Variants in KCNH8 observed in about 807,000 individuals in gnomAD.
The protein encoded by KCNH8 is voltage-gated delayed rectifier potassium channel KCNH8.
KCNH8 carries 70 observed loss-of-function variants against 103.6 expected under a neutral mutation model. The observed-to-expected ratio is 0.68, with a 90% CI of 0.56 to 0.82. The LOEUF (loss-of-function observed/expected upper bound fraction) is 0.82. Among genes scored for constraint, KCNH8 ranks in the 40% least tolerant of loss-of-function variants. The pLI is 0.00. For synonymous variants in KCNH8, 498 were observed against 489.4 expected (o/e 1.02, Z -0.23); for missense variants, 1,217 against 1,329.9 (o/e 0.92, Z 1.32).
At chr3:19,214,146 T>G (rs1445840974) in intron 1 of KCNH8, among the ~76,000 whole-genome samples, 1 of 152,232 alleles carries the variant, frequency 6.6e-6, no homozygotes, top group Non-Finnish European at 1.5e-5. Context: ...GCCATACCTA[T>G]GTAATTCTCT....
intron 1 of KCNH8, among the ~76,000 whole-genome samples, chr3:19,155,735 T>C (rs1267301681): frequency 6.6e-6 from 1 of 152,216 alleles, no homozygotes; most frequent in Non-Finnish European, 1.5e-5. Context: ...AAAGATTACA[T>C]TCTATCAAAC....
At chr3:19,460,726 CTTGAA>C (rs1312854630) in intron 11 of KCNH8, among the ~76,000 whole-genome samples, 1 of 152,142 alleles carries the variant, frequency 6.6e-6, no homozygotes, top group African/African-American at 2.4e-5. Flanking sequence ...TGTATCTCAT[CTTGAA>C]TTGTAGTTCC....
At position 19,425,824 on chromosome 3, in the gene KCNH8, C is replaced by T. The variant is rs80238058; in HGVS notation, c.1178-12340C>T. ...GAATGTTCAGAAAAGGAAAAGCAGG[C>T]ACAGGAAGTGGTGTCATATGACCTT... On this transcript the variant is annotated intron_variant, in intron 7 of 15. Coordinates refer to ENST00000328405, the MANE Select transcript of KCNH8 (RefSeq NM_144633.3). Among the ~76,000 whole-genome samples, 41 of 152,230 alleles carry T rather than the reference C, an allele frequency of 2.7e-4. No individual in the cohort carries two copies. In the East Asian group the frequency reaches 7.9e-3, roughly 29 times the overall value.
intron 11 of KCNH8, among the ~76,000 whole-genome samples, chr3:19,486,675 C>T (rs542397269): frequency 1.3e-5 from 2 of 152,162 alleles, no homozygotes; most frequent in African/African-American, 4.8e-5. Context: ...CTTTAACTTA[C>T]AAAAGACTAG....
intron 5 of KCNH8, among the ~76,000 whole-genome samples, chr3:19,351,785 C>A (rs1397822522): frequency 6.6e-6 from 1 of 152,090 alleles, no homozygotes; most frequent in Non-Finnish European, 1.5e-5. Flanking sequence ...CAAAAATATG[C>A]CAGATTGTAA....
Position 19,207,892 on chromosome 3 carries a change from A to T in KCNH8, c.77-45762A>T, listed in dbSNP as rs187787862. ...ACTCATCACCAGCAGAATGTGTTCT[A>T]GATATCAAAGAGGGAAAAAATGTTT... On this transcript the variant is annotated intron_variant, in intron 1 of 15. Transcript: ENST00000328405. Among the ~76,000 whole-genome samples the T allele has an allele frequency of 2.9e-3, 438 of 152,142 alleles. 4 individuals are homozygous for T. The highest frequency in any genetic ancestry group is 9.9e-3 in the African/African-American group (410 of 41,542).
At chr3:19,417,712 A>C (rs1260450239) in intron 7 of KCNH8, among the ~76,000 whole-genome samples, 1 of 152,128 alleles carries the variant, frequency 6.6e-6, no homozygotes, top group African/African-American at 2.4e-5. Context: ...ATTCCTTTGG[A>C]ATGCATGACA....
chr3:19,280,248 C>T (rs1443998111), intron 2 of KCNH8, among the ~76,000 whole-genome samples: 1 of 151,792 alleles, frequency 6.6e-6, no homozygotes, highest in Non-Finnish European at 1.5e-5. Flanking sequence ...GTTTTTTGCT[C>T]AAAAATTGAA....
intron 5 of KCNH8, among the ~76,000 whole-genome samples, chr3:19,369,209 T>C (rs1448243549): frequency 2.0e-5 from 3 of 151,924 alleles, no homozygotes; most frequent in African/African-American, 7.2e-5. Context: ...TACAGAAGAG[T>C]GTTCAGTCAC....
intron 1 of KCNH8, among the ~76,000 whole-genome samples, chr3:19,180,997 A>G (rs1038384572): frequency 3.3e-5 from 5 of 152,104 alleles, no homozygotes; most frequent in Non-Finnish European, 5.9e-5. Flanking sequence ...AAGGCATGCA[A>G]TTTTCAAGAT....
At chr3:19,448,714 G>A (rs768102595) in intron 8 of KCNH8, among the ~76,000 whole-genome samples, 23 of 151,944 alleles carry the variant, frequency 1.5e-4, no homozygotes, top group Non-Finnish European at 2.8e-4. Context: ...TTTTGTACAT[G>A]TACATTTTGA....
intron 1 of KCNH8, among the ~76,000 whole-genome samples, chr3:19,181,414 A>G (rs1296286590): frequency 6.6e-6 from 1 of 152,204 alleles, no homozygotes; most frequent in Non-Finnish European, 1.5e-5. Flanking sequence ...TAAGGGAAAG[A>G]AAGAGATGAA....
intron 11 of KCNH8, among the ~76,000 whole-genome samples, chr3:19,484,024 A>T (rs1322216934): frequency 6.6e-6 from 1 of 152,102 alleles, no homozygotes; most frequent in Non-Finnish European, 1.5e-5. Context: ...TAATTAAGAG[A>T]GTCACATTTC....
rs1473196104 is a variant in KCNH8, at chr3:19,357,008, A to T, written c.811+9043A>T. On this transcript the variant is annotated intron_variant, in intron 5 of 15. Transcript: ENST00000328405. ...TCCCATTTTCTTACTGAAAAATTTA[A>T]AAAAAAGCAATTTTTTGTAGGCAGC... Among the ~76,000 whole-genome samples the T allele has an allele frequency of 3.3e-5, 5 of 151,902 alleles. No homozygotes were observed. In the South Asian group the frequency reaches 8.3e-4, roughly 25 times the overall value.
At chr3:19,157,693 C>A (rs1387290578) in intron 1 of KCNH8, among the ~76,000 whole-genome samples, 1 of 151,770 alleles carries the variant, frequency 6.6e-6, no homozygotes, top group Non-Finnish European at 1.5e-5. Context: ...TTGTTAATGT[C>A]CATTTGTTTA....
intron 11 of KCNH8, among the ~76,000 whole-genome samples, chr3:19,468,001 ATCT>A (rs1166751011): frequency 6.6e-6 from 1 of 151,516 alleles, no homozygotes; most frequent in Admixed American, 6.6e-5. Context: ...TTTGCATTTG[ATCT>A]TCTTTCTTCC....
chr3:19,167,000 C>T (rs981485174), intron 1 of KCNH8, among the ~76,000 whole-genome samples: 11 of 152,288 alleles, frequency 7.2e-5, no homozygotes, highest in African/African-American at 2.6e-4. Context: ...TTATATCCAG[C>T]CTCCTGCATT....
At chr3:19,365,516 G>A (rs1442196) in intron 5 of KCNH8, among the ~76,000 whole-genome samples, 43,807 of 151,722 alleles carry the variant, frequency 0.29, 6,882 homozygotes, top group East Asian at 0.42. Context: ...TAATTGTTAC[G>A]CATTTAAGAT....
chr3:19,479,775 G>T (rs1310458165), intron 11 of KCNH8, among the ~76,000 whole-genome samples: 1 of 152,052 alleles, frequency 6.6e-6, no homozygotes. Flanking sequence ...GGGTTTATTT[G>T]TGAGTACGCT....
Sources: allele counts gnomAD v4.1 joint callset (sites outside exome capture counted in the v4.1 genomes callset), GRCh38; gene constraint gnomAD v4.1.1; transcripts MANE v1.5; gene names NCBI Gene and HGNC (gene_info 2026-07-23, HGNC 2026-07-21).